Variants in ADAMTS19 observed in about 807,000 individuals in gnomAD.
ADAMTS19 encodes the protein A disintegrin and metalloproteinase with thrombospondin motifs 19.
In ADAMTS19, 93 loss-of-function variants were observed where a neutral mutation model predicts 153.3. The observed-to-expected ratio is 0.61, with a 90% CI of 0.51 to 0.72. The LOEUF (loss-of-function observed/expected upper bound fraction) is 0.72. ADAMTS19 is among the 30% of genes least tolerant of loss of function. ADAMTS19 has a pLI of 0.00. For missense variants in ADAMTS19, 1,482 were observed against 1,552.1 expected, an observed-to-expected ratio of 0.95 and a Z score of 0.76; for synonymous variants, 600 against 556.6, an observed-to-expected ratio of 1.08 and a Z score of -1.10.
intron 6 of ADAMTS19, among the ~76,000 whole-genome samples, chr5:129,550,668 G>A (rs1318187357): frequency 6.6e-6 from 1 of 151,216 alleles, no homozygotes; most frequent in African/African-American, 2.4e-5. Flanking sequence ...AGATCAATGT[G>A]ACTTCATTGG....
rs1393320408 is a variant in ADAMTS19 at position 129,702,942 on chromosome 5, ATATATAT to A, written c.3160-1296_3160-1290del. ...AGTTTGACTTGCCAAAAAAAAAAAA[ATATATAT>A]ATATATATATATATATATATATACA... On this transcript the variant is annotated intron_variant, in intron 20 of 22. Transcript: ENST00000274487. Among the ~76,000 whole-genome samples the A allele has an allele frequency of 2.1e-3, 41 of 19,874 alleles. 1 individual carries two copies. The East Asian group carries it at 0.044, about 21-fold the overall frequency. The allele number at this position is 19,874 out of a possible 152,430, so 13.0% of individuals were successfully genotyped here. A position where few individuals can be genotyped will look rare whatever the true frequency, so the allele number is the denominator to read the frequency against.
At chr5:129,606,366 A>G (rs1561598045) in intron 8 of ADAMTS19, among the ~76,000 whole-genome samples, 3 of 152,152 alleles carry the variant, frequency 2.0e-5, no homozygotes, top group Admixed American at 1.3e-4. Context: ...GAGACATCTG[A>G]GCCATCTTTA....
At chr5:129,702,949 T>A (rs1161535194) in intron 20 of ADAMTS19, among the ~76,000 whole-genome samples, 3,034 of 24,414 alleles carry the variant, frequency 0.12, 82 homozygotes, top group Non-Finnish European at 0.14. Context: ...AAAATATATA[T>A]ATATATATAT....
intron 21 of ADAMTS19, among the ~76,000 whole-genome samples, chr5:129,714,454 T>C (rs1756632427): frequency 1.4e-5 from 2 of 146,396 alleles, no homozygotes; most frequent in Middle Eastern, 3.5e-3. Context: ...GAAAAATATA[T>C]ATCTATAGGT....
intron 19 of ADAMTS19, among the ~76,000 whole-genome samples, chr5:129,695,084 A>C (rs562166481): frequency 6.6e-6 from 1 of 152,294 alleles, no homozygotes; most frequent in African/African-American, 2.4e-5. Flanking sequence ...AGGAGTAATT[A>C]AGATCACTTT....
At chr5:129,708,590 C>CAAAAAAAAAA (rs1174701520) in intron 21 of ADAMTS19, among the ~76,000 whole-genome samples, 56 of 61,792 alleles carry the variant, frequency 9.1e-4, no homozygotes, top group Admixed American at 1.3e-3. Context: ...AGCAGAGAAG[C>CAAAAAAAAAA]AAAAAAAAAA....
At chr5:129,475,636 C>T (rs1750200272) in intron 2 of ADAMTS19, among the ~76,000 whole-genome samples, 1 of 152,124 alleles carries the variant, frequency 6.6e-6, no homozygotes, top group South Asian at 2.1e-4. Flanking sequence ...AGTTTGAGAC[C>T]AGCCTGGCCT....
At chr5:129,516,234 G>C (rs1215282617) in intron 3 of ADAMTS19, among the ~76,000 whole-genome samples, 1 of 149,724 alleles carries the variant, frequency 6.7e-6, no homozygotes, top group Non-Finnish European at 1.5e-5. Flanking sequence ...AGAAATATTA[G>C]CCTGTAGTTT....
intron 10 of ADAMTS19, among the ~76,000 whole-genome samples, chr5:129,625,245 A>G (rs1268094604): frequency 1.3e-5 from 2 of 152,214 alleles, no homozygotes; most frequent in East Asian, 3.8e-4. Flanking sequence ...ACTGATGGAC[A>G]TTTGGGTTGG....
At position 129,620,649 on chromosome 5, in the gene ADAMTS19, T is replaced by C. The variant is rs781446177; in HGVS notation, c.1510T>C (p.Ser504Pro). 22 of 1,611,346 alleles carry C rather than the reference T, an allele frequency of 1.4e-5. No individual in the cohort carries two copies. The highest frequency in any genetic ancestry group is 1.7e-5 in the Non-Finnish European group (20 of 1,178,464). Residue 504 changes from serine to proline, a missense_variant, in exon 9 of 23, where the codon TCG becomes CCG. This residue lies in a region of ADAMTS19 where 866 missense variants were observed against 827.7 expected (regional missense o/e 1.05). Coordinates refer to ENST00000274487, the MANE Select transcript of ADAMTS19 (RefSeq NM_133638.6). ...MGINHDNDHP[S>P]CADGLHIMSG... ...CATTAACCATGACAATGACCACCCA[T>C]CGTGTGCTGATGGTCTTCATATCAT...
intron 19 of ADAMTS19, among the ~76,000 whole-genome samples, chr5:129,697,803 C>T (rs1280982286): frequency 1.3e-5 from 2 of 152,250 alleles, no homozygotes; most frequent in African/African-American, 4.8e-5. Flanking sequence ...TCTCTATCCC[C>T]TTTAATAGAT....
intron 6 of ADAMTS19, among the ~76,000 whole-genome samples, chr5:129,540,634 A>G (rs535620766): frequency 6.6e-6 from 1 of 152,252 alleles, no homozygotes; most frequent in African/African-American, 2.4e-5. Context: ...AATAAAACAT[A>G]TGAATTGCAA....
At position 129,622,298 on chromosome 5, in the gene ADAMTS19, C is replaced by A; in HGVS notation, c.1720C>A (p.Gln574Lys). 1 of 1,614,090 alleles carries A rather than the reference C, an allele frequency of 6.2e-7. No individual in the cohort carries two copies. The highest frequency in any genetic ancestry group is 8.5e-7 in the Non-Finnish European group (1 of 1,180,010). The change falls in exon 10 of 23, where the codon CAA becomes AAA. Residue 574 changes from glutamine to lysine, a missense_variant. This residue lies in a region of ADAMTS19 where 866 missense variants were observed against 827.7 expected (regional missense o/e 1.05). Transcript: ENST00000274487. ...AGGGATGACATACACTGCTGATGAACAATGCCAGATCCTTTTTGGGCCATT... is the reference window on the plus strand; with the variant it reads ...AGGGATGACATACACTGCTGATGAAAAATGCCAGATCCTTTTTGGGCCATT... ...LPGMTYTADE[Q>K]CQILFGPLAS...
At position 129,736,215 on chromosome 5, in the gene ADAMTS19, T is replaced by C. The variant is rs529229856; in HGVS notation, c.3491-852T>C. On this transcript the variant is annotated intron_variant, in intron 22 of 22. Transcript: ENST00000274487. Reference sequence around the variant, plus strand: ...CAATTAGTTGGAGTCCTTGAAATATTACATGGCAGAAAATAATGGATTAAA... The same window carrying C: ...CAATTAGTTGGAGTCCTTGAAATATCACATGGCAGAAAATAATGGATTAAA... 1.2e-4 allele frequency among the ~76,000 whole-genome samples: 18 copies of C among 152,154 alleles called. No homozygotes were observed. In the South Asian group the frequency reaches 3.7e-3, roughly 32 times the overall value.
chr5:129,604,729 A>G (rs1301838098), intron 8 of ADAMTS19, among the ~76,000 whole-genome samples: 1 of 152,234 alleles, frequency 6.6e-6, no homozygotes, highest in Non-Finnish European at 1.5e-5. Context: ...CAAAGGGTTT[A>G]GAATTTTTTT....
chr5:129,506,762 CCTT>C (rs1751280863), intron 2 of ADAMTS19, among the ~76,000 whole-genome samples: 1 of 151,800 alleles, frequency 6.6e-6, no homozygotes, highest in East Asian at 1.9e-4. Context: ...TTATGATTGT[CCTT>C]ATTATTAAAA....
chr5:129,535,606 C>T lies in ADAMTS19; in HGVS notation c.1328+6929C>T, dbSNP rs576325941. 1.7e-3 allele frequency among the ~76,000 whole-genome samples: 263 copies of T among 152,230 alleles called. 2 individuals carry two copies. The highest frequency in any genetic ancestry group is 5.7e-3 in the African/African-American group (236 of 41,530). ...CAAAAAAGAGCCCGCATTGCCAAGT[C>T]AATCCTAAGCCAAAAGAACAAAGCT... On this transcript the variant is annotated intron_variant, in intron 6 of 22. Coordinates refer to ENST00000274487, the MANE Select transcript of ADAMTS19 (RefSeq NM_133638.6).
chr5:129,711,511 C>A (rs1756466732), intron 21 of ADAMTS19, among the ~76,000 whole-genome samples: 1 of 151,792 alleles, frequency 6.6e-6, no homozygotes, highest in African/African-American at 2.4e-5. Context: ...CCATCTCTAC[C>A]AAAAATACAA....
intron 8 of ADAMTS19, among the ~76,000 whole-genome samples, chr5:129,613,449 G>T (rs1028805128): frequency 6.6e-6 from 1 of 152,024 alleles, no homozygotes; most frequent in Non-Finnish European, 1.5e-5. Flanking sequence ...GGTACATAAC[G>T]AAATGAAGGC....
Sources: gnomAD v4.1 joint callset for allele counts (sites outside exome capture counted in the v4.1 genomes callset) on GRCh38, gnomAD v4.1.1 for gene constraint, gnomAD v4.1.1 regional missense constraint, MANE v1.5 for transcripts, NCBI Gene and HGNC (gene_info 2026-07-23, HGNC 2026-07-21) for gene names.